The following PRSS23 variants were observed in gnomAD, a reference collection of about 807,000 sequenced individuals.
The protein encoded by PRSS23 is protease, serine 23.
In PRSS23, 25 loss-of-function variants were observed where a neutral mutation model predicts 34.7. The ratio of observed to expected loss-of-function variants is 0.72; its 90% CI spans 0.53 to 1.01. The LOEUF is 1.01. Ranked by LOEUF, PRSS23 falls within the 50% of genes least tolerant of loss-of-function variation. The pLI is 0.00. For synonymous variants in PRSS23, 176 were observed against 186.6 expected (o/e 0.94, Z 0.46); for missense variants, 445 against 475.6 (o/e 0.94, Z 0.60).
chr11:86,939,426 A>ATATATATATATATATATATTTTTTTT, intron 2 of PRSS23, among the ~76,000 whole-genome samples: 1 of 94,070 alleles, frequency 1.1e-5, no homozygotes. Context: ...ATATATATAT[A>ATATATATATATATATATATTTTTTTT]TTTTTTAACA....
intron 2 of PRSS23, among the ~76,000 whole-genome samples, chr11:86,942,531 G>A (rs1198969868): frequency 3.1e-4 from 47 of 152,180 alleles, no homozygotes; most frequent in East Asian, 1.9e-4. Context: ...GATTAAGCAC[G>A]TTCTTGAGTG....
intron 2 of PRSS23, chr11:86,940,952 T>A (rs903286547): frequency 6.6e-6 from 1 of 152,174 alleles, no homozygotes; most frequent in Non-Finnish European, 1.5e-5. Flanking sequence ...GGTACAAATA[T>A]TGTAAATCAA....
intron 2 of PRSS23, among the ~76,000 whole-genome samples, chr11:86,915,625 A>T (rs189712721): frequency 6.7e-6 from 1 of 149,626 alleles, no homozygotes; most frequent in African/African-American, 2.4e-5. Flanking sequence ...ATATTTAGCC[A>T]CTGTGCCTGG....
At chr11:86,825,539 A>G (rs1948293020) in intron 2 of PRSS23, among the ~76,000 whole-genome samples, 1 of 151,346 alleles carries the variant, frequency 6.6e-6, no homozygotes, top group Non-Finnish European at 1.5e-5. Context: ...GGTGTTTTAG[A>G]CATGAAGTCC....
chr11:86,938,954 G>A (rs1949182409), intron 2 of PRSS23: 6 of 414,902 alleles, frequency 1.4e-5, no homozygotes, highest in South Asian at 1.1e-4. Context: ...TAGCCAAATG[G>A]GAGGAGGCCT....
chr11:86,855,527 G>A (rs979567583), intron 2 of PRSS23, among the ~76,000 whole-genome samples: 16 of 152,080 alleles, frequency 1.1e-4, no homozygotes, highest in South Asian at 6.2e-4. Flanking sequence ...ATGGAGTCTC[G>A]TTCTCTTGCC....
At chr11:86,803,861 G>C (rs1230125861) in intron 1 of PRSS23, among the ~76,000 whole-genome samples, 1 of 152,150 alleles carries the variant, frequency 6.6e-6, no homozygotes, top group Admixed American at 6.5e-5. Flanking sequence ...AGACTGATCA[G>C]GGAAATCTTG....
At chr11:86,850,324 G>C (rs1191496377) in intron 2 of PRSS23, among the ~76,000 whole-genome samples, 1 of 152,142 alleles carries the variant, frequency 6.6e-6, no homozygotes, top group Non-Finnish European at 1.5e-5. Context: ...CACAACTGCA[G>C]GGCCCCTTCT....
At chr11:86,821,251 A>G in intron 1 of PRSS23, 1 of 526,404 alleles carries the variant, frequency 1.9e-6, no homozygotes, top group Non-Finnish European at 3.2e-6. Flanking sequence ...TCACAAATTT[A>G]GTAATCCGAT....
intron 2 of PRSS23, among the ~76,000 whole-genome samples, chr11:86,938,650 G>A (rs1852755772): frequency 2.0e-5 from 3 of 147,472 alleles, no homozygotes; most frequent in African/African-American, 7.4e-5. Flanking sequence ...AATATCAGCC[G>A]ATGTGATGGA....
At chr11:86,812,924 T>C (rs1050041456), downstream of PRSS23, among the ~76,000 whole-genome samples, 1 of 152,140 alleles carries the variant, frequency 6.6e-6, no homozygotes, top group African/African-American at 2.4e-5. Context: ...TAGTTCCTTA[T>C]GGCAAATAAA....
chr11:86,872,488 C>G (rs1469173570), intron 2 of PRSS23, among the ~76,000 whole-genome samples: 1 of 152,198 alleles, frequency 6.6e-6, no homozygotes, highest in Non-Finnish European at 1.5e-5. Context: ...TTCCTCCACC[C>G]TCAGGTCAGA....
At chr11:86,884,916 C>T (rs1199281820) in intron 2 of PRSS23, among the ~76,000 whole-genome samples, 1 of 152,184 alleles carries the variant, frequency 6.6e-6, no homozygotes, top group African/African-American at 2.4e-5. Context: ...AAAACTGCCA[C>T]CTCTGGAAAT....
At chr11:86,824,490 T>G (rs1309014497) in intron 2 of PRSS23, among the ~76,000 whole-genome samples, 3 of 151,354 alleles carry the variant, frequency 2.0e-5, no homozygotes, top group Non-Finnish European at 2.9e-5. Context: ...TATTTTATTA[T>G]TAGTATACTT....
In PRSS23 at chr11:86,806,203, A is replaced by G. The variant is rs116490484; in HGVS notation, c.-13-1428A>G. 6.6e-3 allele frequency among the ~76,000 whole-genome samples: 997 copies of G among 151,882 alleles called. 13 individuals are homozygous for G. Among genetic ancestry groups the G allele is most frequent in the African/African-American group, 0.023 (951 of 41,414 alleles). ...GCCTGCTGCCTCCACCACTTCCTCT[A>G]CTCCACCCTTGCTGAGCTAAGTGTG... On this transcript the variant is annotated intron_variant, in intron 1 of 1. Coordinates refer to ENST00000280258, the MANE Select transcript of PRSS23 (RefSeq NM_007173.6).
At chr11:86,832,310 A>G (rs556185191) in intron 2 of PRSS23, among the ~76,000 whole-genome samples, 1 of 152,046 alleles carries the variant, frequency 6.6e-6, no homozygotes, top group South Asian at 2.1e-4. Context: ...ACCTGGGGAT[A>G]TTTTTCACAA....
intron 2 of PRSS23, among the ~76,000 whole-genome samples, chr11:86,882,683 A>G (rs1316396562): frequency 6.6e-6 from 1 of 152,152 alleles, no homozygotes; most frequent in Non-Finnish European, 1.5e-5. Context: ...GTGTCTTTAT[A>G]ATAGAACACT....
intron 2 of PRSS23, among the ~76,000 whole-genome samples, chr11:86,842,461 G>C (rs61906682): frequency 0.018 from 2,802 of 152,212 alleles, 41 homozygotes; most frequent in Non-Finnish European, 0.027. Flanking sequence ...AGAAATAAAG[G>C]GTATTCAATT....
intron 2 of PRSS23, chr11:86,946,025 A>G (rs892869123): frequency 1.3e-5 from 2 of 152,506 alleles, no homozygotes; most frequent in Non-Finnish European, 2.9e-5. Flanking sequence ...TTCAGATTAC[A>G]TCCGATATTT....
Sources: gnomAD v4.1 joint callset for allele counts (sites outside exome capture counted in the v4.1 genomes callset) on GRCh38, gnomAD v4.1.1 for gene constraint, MANE v1.5 for transcripts, NCBI Gene and HGNC (gene_info 2026-07-23, HGNC 2026-07-21) for gene names.